Variants in CAPN13 observed in about 807,000 individuals in gnomAD.
CAPN13 encodes the protein calpain 13, also known as calpain-13.
A neutral mutation model predicts 98.4 loss-of-function variants in CAPN13; 90 were observed. The ratio of observed to expected loss-of-function variants is 0.92; its 90% CI spans 0.77 to 1.09. The LOEUF (loss-of-function observed/expected upper bound fraction) is 1.09. Ranked by LOEUF, CAPN13 falls within the 50% of genes least tolerant of loss-of-function variation. CAPN13 has a pLI of 0.00. For synonymous variants in CAPN13, 330 were observed against 305.5 expected (o/e 1.08, Z -0.84); for missense variants, 887 against 841.3 (o/e 1.05, Z -0.67).
At chr2:30,731,204 G>A in intron 21 of CAPN13, 140 bp downstream of exon 21, 1 of 664,810 alleles carries the variant, frequency 1.5e-6, no homozygotes, top group Non-Finnish European at 2.5e-6. Context: ...ATATAAGGCA[G>A]TAATTGGAGG....
At chr2:30,756,223 C>T (rs1355022734) in intron 8 of CAPN13, among the ~76,000 whole-genome samples, 5 of 152,198 alleles carry the variant, frequency 3.3e-5, no homozygotes, top group African/African-American at 1.2e-4. Context: ...TGTCCTGTGT[C>T]AGCTCCCAGC....
At position 30,789,056 on chromosome 2, in the gene CAPN13, T is replaced by C. The variant is rs115136893; in HGVS notation, c.-32-1699A>G. ...CTAATACACATGTACATTTCTTCAA[T>C]TGAGTTCTTATAGAATAATGGCACA... On this transcript the variant is annotated intron_variant, in intron 1 of 22. Transcript: ENST00000295055. 1.5e-3 allele frequency among the ~76,000 whole-genome samples: 228 copies of C among 152,318 alleles called. 2 individuals are homozygous for C. Among genetic ancestry groups the C allele is most frequent in the African/African-American group, 5.1e-3 (210 of 41,570 alleles).
chr2:30,766,306 C>T (rs2067934), intron 5 of CAPN13, among the ~76,000 whole-genome samples: 13 of 152,180 alleles, frequency 8.5e-5, no homozygotes, highest in Non-Finnish European at 1.6e-4. Flanking sequence ...CCACAGCATC[C>T]GGCAGTCACC....
At chr2:30,772,360 A>G in intron 4 of CAPN13, among the ~76,000 whole-genome samples, 1 of 152,188 alleles carries the variant, frequency 6.6e-6, no homozygotes, top group East Asian at 1.9e-4. Context: ...AACTTTTGGA[A>G]AGCAGTACCC....
At chr2:30,738,321 A>T (rs1671480030) in intron 16 of CAPN13, 28 bp from the exon 17 acceptor site, 1 of 1,613,672 alleles carries the variant, frequency 6.2e-7, no homozygotes, top group Non-Finnish European at 8.5e-7. Context: ...GGAAGGACTG[A>T]AGTGTTGACA....
intron 2 of CAPN13, among the ~76,000 whole-genome samples, chr2:30,780,478 C>A (rs1019923265): frequency 2.6e-5 from 4 of 152,192 alleles, no homozygotes; most frequent in Non-Finnish European, 2.9e-5. Flanking sequence ...AAATTTGTAT[C>A]CTTTCAATAA....
In CAPN13 at chr2:30,751,267, CT is replaced by C. The variant is rs1266536692; in HGVS notation, c.1088-17del. 1 of 1,612,874 alleles carries C rather than the reference CT, an allele frequency of 6.2e-7. No individual in the cohort carries two copies. The highest frequency in any genetic ancestry group is 8.5e-7 in the Non-Finnish European group (1 of 1,179,202). ...CGAGGTCCTCCTGCATCAGAAAGAGCTGTTACTAGAGCTCAGCTCCACTCCT... is the reference window on the plus strand; with the variant it reads ...CGAGGTCCTCCTGCATCAGAAAGAGCGTTACTAGAGCTCAGCTCCACTCCT... On this transcript the variant is annotated splice_polypyrimidine_tract_variant and intron_variant, in intron 10 of 22. Coordinates refer to ENST00000295055, the MANE Select transcript of CAPN13 (RefSeq NM_144575.3).
intron 22 of CAPN13, among the ~76,000 whole-genome samples, chr2:30,729,348 T>C (rs142388770): frequency 3.6e-4 from 55 of 152,328 alleles, no homozygotes; most frequent in African/African-American, 1.0e-3. Flanking sequence ...CCTCTAATAT[T>C]ATCCTTCCTT....
intron 8 of CAPN13, 26 bp from the exon 9 acceptor site, chr2:30,754,390 G>C: frequency 6.3e-7 from 1 of 1,575,546 alleles, no homozygotes; most frequent in Non-Finnish European, 8.6e-7. Context: ...CAAACCACAG[G>C]GTGAGATTTT....
chr2:30,793,337 A>G (rs919478092), intron 1 of CAPN13, among the ~76,000 whole-genome samples: 1 of 151,584 alleles, frequency 6.6e-6, no homozygotes, highest in African/African-American at 2.4e-5. Context: ...ATAGGAGAAT[A>G]GTAACATCCA....
rs58177148 is a variant in CAPN13, at chr2:30,760,092, A to AT, written c.775-1956dup. 4.7e-4 allele frequency among the ~76,000 whole-genome samples: 72 copies of AT among 151,626 alleles called. 1 individual carries two copies. In the East Asian group the frequency reaches 8.4e-3, roughly 18 times the overall value. ...TTGCACGCCATTTATTATTGTTGTG[A>AT]TTTTTTTTGAGATGGAGTCTTGCTG... On this transcript the variant is annotated intron_variant, in intron 7 of 22. Transcript: ENST00000295055.
At chr2:30,732,650 A>G in intron 19 of CAPN13, 84 bp from the exon 20 acceptor site, 1 of 1,516,990 alleles carries the variant, frequency 6.6e-7, no homozygotes. Flanking sequence ...ACACCTGTTC[A>G]GAGGGCCCGG....
intron 7 of CAPN13, among the ~76,000 whole-genome samples, chr2:30,761,989 G>T (rs374140848): frequency 3.3e-4 from 50 of 152,288 alleles, no homozygotes; most frequent in Middle Eastern, 3.4e-3. Flanking sequence ...CTAGAGTTTG[G>T]AACTTGGTCT....
At chr2:30,770,500 T>A in intron 4 of CAPN13, 51 bp from the exon 5 acceptor site, 1 of 1,593,804 alleles carries the variant, frequency 6.3e-7, no homozygotes, top group Non-Finnish European at 8.6e-7. Context: ...AGAAGGGAGC[T>A]CCTGGGTCCC....
intron 1 of CAPN13, among the ~76,000 whole-genome samples, chr2:30,788,189 A>C (rs1674418261): frequency 6.6e-6 from 1 of 152,238 alleles, no homozygotes; most frequent in African/African-American, 2.4e-5. Context: ...TGCTTCTGCA[A>C]TTTGGAGCGA....
intron 17 of CAPN13, 186 bp from the exon 18 acceptor site, chr2:30,736,757 C>T: frequency 1.7e-6 from 1 of 590,854 alleles, no homozygotes. Flanking sequence ...ATTTGTTTTA[C>T]AAAGAAAAAT....
chr2:30,786,906 C>T (rs550723535), intron 2 of CAPN13, among the ~76,000 whole-genome samples: 1 of 152,168 alleles, frequency 6.6e-6, no homozygotes, highest in African/African-American at 2.4e-5. Context: ...TAGTGGTGTA[C>T]TTAGTGTTAG....
chr2:30,792,460 T>C (rs550167282), intron 1 of CAPN13, among the ~76,000 whole-genome samples: 63 of 152,188 alleles, frequency 4.1e-4, no homozygotes, highest in Non-Finnish European at 6.8e-4. Flanking sequence ...CTAAGTTACA[T>C]ACAATGGATC....
chr2:30,796,026 T>A (rs1294138511), intron 1 of CAPN13, among the ~76,000 whole-genome samples: 1 of 151,582 alleles, frequency 6.6e-6, no homozygotes. Flanking sequence ...AAAGCTGGTA[T>A]CTGTATTAGC....
Sources: allele counts gnomAD v4.1 joint callset (sites outside exome capture counted in the v4.1 genomes callset), GRCh38; gene constraint gnomAD v4.1.1; transcripts MANE v1.5; gene names NCBI Gene and HGNC (gene_info 2026-07-23, HGNC 2026-07-21).